RBFOX1: variants seen among roughly 807,000 people sequenced by gnomAD.
RBFOX1 encodes the protein RNA binding fox-1 homolog 1, also known as RNA binding protein fox-1 homolog 1.
A neutral mutation model predicts 57.7 loss-of-function variants in RBFOX1; 8 were observed. The observed-to-expected ratio is 0.14, with a 90% confidence interval of 0.08 to 0.25. The LOEUF (loss-of-function observed/expected upper bound fraction) is 0.25, where lower values mean the gene tolerates loss of function less well. Ranked by LOEUF, RBFOX1 falls within the 10% of genes least tolerant of loss-of-function variation. RBFOX1 has a pLI of 1.00. For missense variants in RBFOX1, 611 were observed against 548.5 expected, an observed-to-expected ratio of 1.11 and a Z score of -1.14; for synonymous variants, 326 against 222.4, an observed-to-expected ratio of 1.47 and a Z score of -4.15.
intron 1 of RBFOX1, among the ~76,000 whole-genome samples, chr16:5,361,167 A>T (rs1449763940): frequency 6.6e-6 from 1 of 152,178 alleles, no homozygotes; most frequent in Non-Finnish European, 1.5e-5. Flanking sequence ...TGGGATTTGA[A>T]CCCAGGTTTA....
chr16:5,770,533 A>G (rs9927354), intron 3 of RBFOX1, among the ~76,000 whole-genome samples: 59,107 of 151,698 alleles, frequency 0.39, 11,851 homozygotes, highest in East Asian at 0.61. Context: ...AAGCTAGCCA[A>G]CAGTCCACAA....
chr16:5,243,686 G>T (rs2062225541), intron 1 of RBFOX1, among the ~76,000 whole-genome samples: 2 of 152,170 alleles, frequency 1.3e-5, no homozygotes, highest in Non-Finnish European at 2.9e-5. Context: ...GTCTACACTT[G>T]TGGAAATGTT....
chr16:5,806,757 C>G (rs747920440), intron 3 of RBFOX1, among the ~76,000 whole-genome samples: 1 of 152,214 alleles, frequency 6.6e-6, no homozygotes, highest in Non-Finnish European at 1.5e-5. Flanking sequence ...CCGGGATAAG[C>G]TTCCCTAATT....
chr16:6,452,682 A>G (rs1484844040), intron 2 of RBFOX1, among the ~76,000 whole-genome samples: 2 of 152,232 alleles, frequency 1.3e-5, no homozygotes, highest in African/African-American at 2.4e-5. Context: ...CCATAAATAG[A>G]CATGATATTT....
chr16:7,218,667 T>TGTGC (rs2092463437), intron 4 of RBFOX1, among the ~76,000 whole-genome samples: 18 of 148,096 alleles, frequency 1.2e-4, no homozygotes, highest in Admixed American at 4.0e-4. Flanking sequence ...TGTGTGTGTG[T>TGTGC]GTGTGTGTGT....
chr16:6,407,749 A>G (rs1204954500), intron 2 of RBFOX1, among the ~76,000 whole-genome samples: 1 of 152,130 alleles, frequency 6.6e-6, no homozygotes, highest in African/African-American at 2.4e-5. Flanking sequence ...CAATCACAGT[A>G]TAAATCTTAT....
At chr16:7,639,338 CCTT>C (rs996811611) in intron 11 of RBFOX1, among the ~76,000 whole-genome samples, 8 of 152,318 alleles carry the variant, frequency 5.3e-5, no homozygotes, top group African/African-American at 1.7e-4. Flanking sequence ...ATCAGACACT[CCTT>C]CTTCTCTTTT....
chr16:6,986,202 T>TTATTTATTTATG, intron 3 of RBFOX1, among the ~76,000 whole-genome samples: 1 of 151,446 alleles, frequency 6.6e-6, no homozygotes, highest in South Asian at 2.1e-4. Context: ...ATTTATTTAT[T>TTATTTATTTATG]TATTTATTTA....
At chr16:7,413,194 C>T (rs1351067563) in intron 4 of RBFOX1, among the ~76,000 whole-genome samples, 1 of 152,078 alleles carries the variant, frequency 6.6e-6, no homozygotes, top group East Asian at 1.9e-4. Context: ...CAGCTTTTCC[C>T]AGGACACACC....
At chr16:7,139,172 C>CTGTGTGTGTGTGTG (rs1466048089) in intron 4 of RBFOX1, among the ~76,000 whole-genome samples, 1 of 16,572 alleles carries the variant, frequency 6.0e-5, no homozygotes, top group African/African-American at 2.1e-4. Flanking sequence ...AAATCAATCT[C>CTGTGTGTGTGTGTG]TCTCTGTGTG....
chr16:6,999,558 A>G (rs938074061), intron 3 of RBFOX1, among the ~76,000 whole-genome samples: 1 of 152,072 alleles, frequency 6.6e-6, no homozygotes, highest in African/African-American at 2.4e-5. Context: ...CAAAAGTAGA[A>G]TAGTATACTG....
In RBFOX1 at chr16:6,899,439, A is replaced by T. The variant is rs147072021; in HGVS notation, c.-15-152618A>T. Among the ~76,000 whole-genome samples the T allele has an allele frequency of 2.6e-5, 4 of 152,148 alleles. No homozygotes were observed. In the South Asian group the frequency reaches 6.2e-4, roughly 24 times the overall value. On this transcript the variant is annotated intron_variant, in intron 3 of 15. Transcript: ENST00000550418. ...GATACATTACAATTTTTACATTTTT[A>T]GTTGGTTGTTTACGGCCATTGGTTG...
chr16:6,929,566 A>G (rs1441184957), intron 3 of RBFOX1, among the ~76,000 whole-genome samples: 1 of 152,260 alleles, frequency 6.6e-6, no homozygotes, highest in East Asian at 1.9e-4. Flanking sequence ...GTGAGGGAAG[A>G]GGTCTGCATG....
At chr16:5,666,320 C>T (rs764982810) in intron 3 of RBFOX1, among the ~76,000 whole-genome samples, 2 of 152,158 alleles carry the variant, frequency 1.3e-5, no homozygotes, top group South Asian at 2.1e-4. Context: ...CATTGGTACT[C>T]GTGAAGCAAT....
chr16:6,365,275 G>C (rs2089376232), intron 2 of RBFOX1, among the ~76,000 whole-genome samples: 1 of 151,804 alleles, frequency 6.6e-6, no homozygotes, highest in African/African-American at 2.4e-5. Context: ...TAGGTGGATG[G>C]ATGAGTAGGT....
chr16:5,822,928 G>T (rs2055907240), intron 3 of RBFOX1, among the ~76,000 whole-genome samples: 1 of 152,200 alleles, frequency 6.6e-6, no homozygotes, highest in African/African-American at 2.4e-5. Flanking sequence ...CTTAGATGTT[G>T]CTTTCCACAT....
chr16:7,045,092 G>A (rs1481132024), intron 3 of RBFOX1, among the ~76,000 whole-genome samples: 1 of 152,078 alleles, frequency 6.6e-6, no homozygotes, highest in African/African-American at 2.4e-5. Context: ...ATCTGCATTC[G>A]ATGATCCCTA....
At chr16:7,254,359 A>T (rs1469714380) in intron 4 of RBFOX1, among the ~76,000 whole-genome samples, 1 of 152,144 alleles carries the variant, frequency 6.6e-6, no homozygotes, top group Non-Finnish European at 1.5e-5. Flanking sequence ...TCCTTAGGTT[A>T]ATCGGGTTTA....
chr16:5,994,202 C>T (rs1202995835), intron 4 of RBFOX1, among the ~76,000 whole-genome samples: 1 of 152,206 alleles, frequency 6.6e-6, no homozygotes, highest in Admixed American at 6.5e-5. Context: ...TGCTCTGTCA[C>T]CCAGGTTGAA....
Sources: gnomAD v4.1 joint callset for allele counts (sites outside exome capture counted in the v4.1 genomes callset) on GRCh38, gnomAD v4.1.1 for gene constraint, MANE v1.5 for transcripts, NCBI Gene and HGNC (gene_info 2026-07-23, HGNC 2026-07-21) for gene names.